The following SLC30A7 variants were observed in gnomAD, a reference collection of about 807,000 sequenced individuals.
SLC30A7 encodes the protein zinc transporter 7.
A neutral mutation model predicts 46.0 loss-of-function variants in SLC30A7; 35 were observed. That is an observed-to-expected ratio of 0.76 (90% CI 0.58 to 1.01). The LOEUF is 1.01. Among genes scored for constraint, SLC30A7 ranks in the 50% least tolerant of loss-of-function variants. The pLI is 0.00. For synonymous variants in SLC30A7, 147 were observed against 157.8 expected, an observed-to-expected ratio of 0.93 and a Z score of 0.51; for missense variants, 464 against 451.1, an observed-to-expected ratio of 1.03 and a Z score of -0.26.
intron 8 of SLC30A7, chr1:100,941,065 C>T: frequency 3.1e-6 from 1 of 321,500 alleles, no homozygotes; most frequent in South Asian, 3.3e-5. Flanking sequence ...ACTGCCACAG[C>T]CACCTTGGTT....
At chr1:100,910,168 G>C (rs1277681297) in intron 3 of SLC30A7, among the ~76,000 whole-genome samples, 1 of 151,992 alleles carries the variant, frequency 6.6e-6, no homozygotes, top group Non-Finnish European at 1.5e-5. Context: ...TTACCTAGAA[G>C]TTAACATAGA....
At chr1:100,937,325 G>A (rs1307940002) in intron 8 of SLC30A7, among the ~76,000 whole-genome samples, 1 of 152,024 alleles carries the variant, frequency 6.6e-6, no homozygotes, top group Non-Finnish European at 1.5e-5. Context: ...TGGTAATTCT[G>A]TTTTTAATTT....
intron 6 of SLC30A7, among the ~76,000 whole-genome samples, chr1:100,915,161 CA>C (rs1245431651): frequency 4.3e-5 from 6 of 140,748 alleles, no homozygotes; most frequent in African/African-American, 1.6e-4. Flanking sequence ...CTCCCTTCCT[CA>C]CTTCTTTTCT....
At chr1:100,922,698 TA>T (rs923651692) in intron 8 of SLC30A7, among the ~76,000 whole-genome samples, 2 of 152,250 alleles carry the variant, frequency 1.3e-5, no homozygotes, top group African/African-American at 4.8e-5. Flanking sequence ...TATGGAAAGA[TA>T]AATGTGTGTA....
downstream of SLC30A7, among the ~76,000 whole-genome samples, chr1:100,986,628 C>CA (rs1350148175): frequency 1.3e-5 from 2 of 152,120 alleles, no homozygotes; most frequent in Non-Finnish European, 2.9e-5. Context: ...AAATATCAGG[C>CA]AAAAACCTGT....
intron 8 of SLC30A7, chr1:100,941,838 G>C: frequency 5.9e-6 from 3 of 512,108 alleles, no homozygotes; most frequent in South Asian, 4.9e-5. Flanking sequence ...GGAGTGCCTG[G>C]TGTTTGGATC....
intron 8 of SLC30A7, among the ~76,000 whole-genome samples, chr1:100,947,842 C>A (rs1386267100): frequency 6.6e-6 from 1 of 152,102 alleles, no homozygotes; most frequent in Non-Finnish European, 1.5e-5. Context: ...GTTTTAAAGT[C>A]TGTTTTATCA....
intron 2 of SLC30A7, 104 bp from the exon 3 acceptor site, chr1:100,906,748 A>G: frequency 1.4e-6 from 1 of 731,856 alleles, no homozygotes; most frequent in Non-Finnish European, 2.4e-6. Flanking sequence ...GTTGTTTTAG[A>G]TGGTTAATTC....
At chr1:100,990,315 A>C in the SLC30A7 span, 2 of 1,195,328 alleles carry the variant, frequency 1.7e-6, no homozygotes, top group Admixed American at 3.6e-5. Flanking sequence ...ATGAGGATTA[A>C]AATTCAAGAT....
intron 10 of SLC30A7, among the ~76,000 whole-genome samples, chr1:100,974,015 G>C (rs1156884106): frequency 1.3e-5 from 2 of 152,208 alleles, no homozygotes; most frequent in Non-Finnish European, 2.9e-5. Context: ...TAACTCTTTT[G>C]AGGCTTTTTG....
intron 8 of SLC30A7, 137 bp downstream of exon 8, chr1:100,921,978 G>C: frequency 1.4e-6 from 1 of 739,996 alleles, no homozygotes; most frequent in Non-Finnish European, 2.0e-6. Flanking sequence ...TTTTGAGACA[G>C]AGTCTCGCTC....
At chr1:100,941,500 C>A in intron 8 of SLC30A7, 1 of 510,912 alleles carries the variant, frequency 2.0e-6, no homozygotes, top group South Asian at 1.6e-5. Flanking sequence ...TATCCACAGT[C>A]ATGCTTACAA....
rs768776251 is a variant in SLC30A7 at position 100,911,012 on chromosome 1, A to AT, written c.297-46dup. 2.9e-5 allele frequency: 41 copies of AT among 1,406,724 alleles called. 1 individual carries two copies. The highest frequency in any genetic ancestry group is 3.0e-5 in the Non-Finnish European group (30 of 1,000,888). 87.1% of individuals were successfully genotyped at this position (1,406,724 alleles called of 1,614,324 possible). A position where few individuals can be genotyped will look rare whatever the true frequency, so the allele number is the denominator to read the frequency against. ...TGAATGTATGTAATTTTACGATTTA[A>AT]TTTTTAAGAAATAACATAATAATTC... On this transcript the variant is annotated intron_variant, in intron 3 of 10. Coordinates refer to ENST00000357650, the MANE Select transcript of SLC30A7 (RefSeq NM_133496.5).
intron 8 of SLC30A7, among the ~76,000 whole-genome samples, chr1:100,945,528 A>G (rs1335941371): frequency 6.6e-6 from 1 of 152,166 alleles, no homozygotes; most frequent in African/African-American, 2.4e-5. Context: ...TCCCAGCACC[A>G]TTTATTAAAT....
intron 3 of SLC30A7, among the ~76,000 whole-genome samples, chr1:100,909,201 C>A (rs1041165386): frequency 6.6e-6 from 1 of 152,054 alleles, no homozygotes; most frequent in African/African-American, 2.4e-5. Flanking sequence ...CTGATTAATT[C>A]ATGTTAAGCA....
chr1:100,914,619 T>C (rs1336509428), intron 6 of SLC30A7, among the ~76,000 whole-genome samples: 1 of 152,210 alleles, frequency 6.6e-6, no homozygotes, highest in East Asian at 1.9e-4. Flanking sequence ...ATATTTTATT[T>C]TGAATTATAT....
intron 8 of SLC30A7, among the ~76,000 whole-genome samples, chr1:100,960,690 C>T (rs1438169750): frequency 1.3e-5 from 2 of 152,082 alleles, no homozygotes; most frequent in African/African-American, 4.8e-5. Flanking sequence ...AAAGTGAGCA[C>T]TGATTTAAGC....
chr1:100,896,797 C>A, intron 2 of SLC30A7, 126 bp downstream of exon 2: 1 of 787,238 alleles, frequency 1.3e-6, no homozygotes, highest in Middle Eastern at 2.5e-4. Context: ...ACCTCTGCTG[C>A]TGAGTTGCTT....
At chr1:100,941,078 ATAGTTTAGAAAAGAATT>A in intron 8 of SLC30A7, 1 of 317,742 alleles carries the variant, frequency 3.1e-6, no homozygotes, top group South Asian at 3.4e-5. Context: ...CCTTGGTTTC[ATAGTTTAGAAAAGAATT>A]TGCCTCCACC....
Sources: allele counts gnomAD v4.1 joint callset (sites outside exome capture counted in the v4.1 genomes callset), GRCh38; gene constraint gnomAD v4.1.1; transcripts MANE v1.5; gene names NCBI Gene and HGNC (gene_info 2026-07-23, HGNC 2026-07-21).